Variants in PRKN observed in about 807,000 individuals in gnomAD.
PRKN encodes the protein parkin RBR E3 ubiquitin protein ligase.
Under a neutral mutation model 59.5 loss-of-function variants are expected in PRKN, and 56 were observed. The ratio of observed to expected loss-of-function variants is 0.94; its 90% confidence interval spans 0.76 to 1.18. The LOEUF is 1.18. PRKN is among the 50% of genes most tolerant of loss of function. PRKN has a pLI of 0.00. For synonymous variants in PRKN, 250 were observed against 222.1 expected, an observed-to-expected ratio of 1.13 and a Z score of -1.12; for missense variants, 657 against 596.4, an observed-to-expected ratio of 1.10 and a Z score of -1.06.
chr6:162,497,032 A>G (rs925567773), intron 1 of PRKN, among the ~76,000 whole-genome samples: 5 of 152,218 alleles, frequency 3.3e-5, no homozygotes, highest in Non-Finnish European at 5.9e-5. Flanking sequence ...ATGTAACAGT[A>G]TATTTTTAGA....
intron 1 of PRKN, among the ~76,000 whole-genome samples, chr6:162,645,862 C>G (rs868245662): frequency 5.2e-5 from 4 of 76,796 alleles, no homozygotes; most frequent in Middle Eastern, 7.1e-3. Context: ...AGTGCATAAA[C>G]TTTCTCTTTT....
intron 2 of PRKN, among the ~76,000 whole-genome samples, chr6:162,428,836 T>C (rs1789371188): frequency 6.6e-6 from 1 of 152,182 alleles, no homozygotes; most frequent in South Asian, 2.1e-4. Flanking sequence ...ACCTCCCTTA[T>C]GGCCTTGGCA....
chr6:161,989,405 C>T (rs1781559049), intron 5 of PRKN, among the ~76,000 whole-genome samples: 1 of 152,054 alleles, frequency 6.6e-6, no homozygotes, highest in African/African-American at 2.4e-5. Flanking sequence ...ATACCATCAA[C>T]TGGGAGCCTG....
At position 161,393,212 on chromosome 6, in the gene PRKN, TATG is replaced by T. The variant is rs76044062; in HGVS notation, c.1084-6338_1084-6336del. Among the ~76,000 whole-genome samples, 9,087 of 152,226 alleles carry T rather than the reference TATG, an allele frequency of 0.06. 333 individuals carry two copies. Among genetic ancestry groups the T allele is most frequent in the Non-Finnish European group, 0.081 (5,525 of 68,008 alleles). ...CAACAAATAGTTTTCTCCATGGGGC[TATG>T]ATGTTTAACAAGTGGTAAGAGTCTG... On this transcript the variant is annotated intron_variant, in intron 9 of 11. Transcript: ENST00000366898. The surrounding 1 kb of genome is among the most constrained non-coding windows in gnomAD (Gnocchi z 4.7).
chr6:161,815,726 GC>G (rs1183644779), intron 6 of PRKN, among the ~76,000 whole-genome samples: 1 of 152,144 alleles, frequency 6.6e-6, no homozygotes. Context: ...GGAGACCCCA[GC>G]GGGAGCTCAG....
In PRKN at chr6:161,851,857, C is replaced by T. The variant is rs182799108; in HGVS notation, c.735-65949G>A. Among the ~76,000 whole-genome samples the T allele has an allele frequency of 2.4e-4, 37 of 151,314 alleles. No homozygotes were observed. In the East Asian group the frequency reaches 7.5e-3, roughly 31 times the overall value. On this transcript the variant is annotated intron_variant, in intron 6 of 11. Coordinates refer to ENST00000366898, the MANE Select transcript of PRKN (RefSeq NM_004562.3). Reference sequence around the variant, plus strand: ...ATCCCAGCACTTTTGGAGGCCGAGGCGGGCGGATCACCTGAGGTCAGGAGT... The same window carrying T: ...ATCCCAGCACTTTTGGAGGCCGAGGTGGGCGGATCACCTGAGGTCAGGAGT...
At chr6:162,128,389 A>G (rs2128307420) in intron 4 of PRKN, among the ~76,000 whole-genome samples, 1 of 152,296 alleles carries the variant, frequency 6.6e-6, no homozygotes, top group East Asian at 1.9e-4. Flanking sequence ...ATATTTGACT[A>G]CAGATAATGC....
chr6:162,183,981 T>C (rs1583165922), intron 4 of PRKN, among the ~76,000 whole-genome samples: 1 of 152,316 alleles, frequency 6.6e-6, no homozygotes. Context: ...TAAACTACAA[T>C]GAATGCAGCA....
intron 7 of PRKN, among the ~76,000 whole-genome samples, chr6:161,624,988 C>A (rs1783033250): frequency 6.6e-6 from 1 of 152,184 alleles, no homozygotes; most frequent in South Asian, 2.1e-4. Context: ...TTGGTCTGCA[C>A]TGGTCTTTCT....
chr6:162,675,082 C>G (rs1779484914), intron 1 of PRKN, among the ~76,000 whole-genome samples: 1 of 151,836 alleles, frequency 6.6e-6, no homozygotes, highest in Admixed American at 6.6e-5. Context: ...GAGTCTGGCT[C>G]TGTTGCCCGG....
At chr6:162,031,383 C>T (rs1783631404) in intron 5 of PRKN, among the ~76,000 whole-genome samples, 1 of 149,104 alleles carries the variant, frequency 6.7e-6, no homozygotes, top group Non-Finnish European at 1.5e-5. Flanking sequence ...GAGCCCCATC[C>T]TCCACATCCC....
chr6:162,624,061 TA>T (rs1782782357), intron 1 of PRKN, among the ~76,000 whole-genome samples: 1 of 151,836 alleles, frequency 6.6e-6, no homozygotes, highest in African/African-American at 2.4e-5. Flanking sequence ...TCAGCCTGGC[TA>T]ACATGGTGAA....
intron 9 of PRKN, among the ~76,000 whole-genome samples, chr6:161,436,409 C>G (rs1308570808): frequency 7.0e-6 from 1 of 143,302 alleles, no homozygotes; most frequent in African/African-American, 2.7e-5. Context: ...GGCATAGAGA[C>G]ATGAAGTTCT....
At chr6:162,721,692 G>T (rs542188270) in intron 1 of PRKN, among the ~76,000 whole-genome samples, 13 of 152,228 alleles carry the variant, frequency 8.5e-5, no homozygotes, top group South Asian at 8.3e-4. Context: ...CACCTTTCAG[G>T]TTTGTAAATC....
At chr6:161,966,935 G>A (rs959145873) in intron 6 of PRKN, among the ~76,000 whole-genome samples, 2 of 152,164 alleles carry the variant, frequency 1.3e-5, no homozygotes, top group South Asian at 2.1e-4. Context: ...GGATTCAAGC[G>A]ATTCTCCTGC....
intron 4 of PRKN, among the ~76,000 whole-genome samples, chr6:162,158,892 T>C (rs929900538): frequency 6.6e-6 from 1 of 151,986 alleles, no homozygotes; most frequent in African/African-American, 2.4e-5. Flanking sequence ...AGTGCGCCCA[T>C]GTTAAAGCTC....
In PRKN at chr6:161,566,018, C is replaced by T. The variant is rs9365300; in HGVS notation, c.933+3337G>A. 0.35 allele frequency among the ~76,000 whole-genome samples: 52,546 copies of T among 152,030 alleles called. 10,813 individuals carry two copies. Among genetic ancestry groups the T allele is most frequent in the East Asian group, 0.57 (2,922 of 5,160 alleles). ...CCCTTCTGCATCATCAGTCTCCCAA[C>T]TCCTCTACTGAATCATTACCATCAG... On this transcript the variant is annotated intron_variant, in intron 8 of 11. Coordinates refer to ENST00000366898, the MANE Select transcript of PRKN (RefSeq NM_004562.3). The surrounding 1 kb of genome is among the most constrained non-coding windows in gnomAD (Gnocchi z 4.1).
intron 2 of PRKN, among the ~76,000 whole-genome samples, chr6:162,375,437 G>C (rs775617329): frequency 2.2e-4 from 32 of 147,686 alleles, no homozygotes; most frequent in Non-Finnish European, 3.9e-4. Context: ...TTTTGTATTT[G>C]GTGTCTACAA....
chr6:162,439,604 T>C (rs1789954122), intron 2 of PRKN, among the ~76,000 whole-genome samples: 1 of 152,086 alleles, frequency 6.6e-6, no homozygotes, highest in Non-Finnish European at 1.5e-5. Context: ...ATAACATGGG[T>C]TGAAACTGCA....
Sources: allele counts gnomAD v4.1 joint callset (sites outside exome capture counted in the v4.1 genomes callset), GRCh38; gene constraint gnomAD v4.1.1; non-coding constraint Gnocchi (gnomAD v3.1); transcripts MANE v1.5; gene names NCBI Gene and HGNC (gene_info 2026-07-23, HGNC 2026-07-21).